The following ZNF608 variants were observed in gnomAD, a reference collection of about 807,000 sequenced individuals.
ZNF608 encodes renal carcinoma antigen NY-REN-36.
A neutral mutation model predicts 109.0 loss-of-function variants in ZNF608; 12 were observed. The ratio of observed to expected loss-of-function variants is 0.11; its 90% CI spans 0.07 to 0.18. The LOEUF is 0.18. Ranked by LOEUF, ZNF608 falls within the 10% of genes least tolerant of loss-of-function variation. ZNF608 has a pLI of 1.00. For synonymous variants in ZNF608, 732 were observed against 717.4 expected, an observed-to-expected ratio of 1.02 and a Z score of -0.33; for missense variants, 1,707 against 1,879.3, an observed-to-expected ratio of 0.91 and a Z score of 1.70.
intron 2 of ZNF608, 32 bp from the exon 3 acceptor site, chr5:124,701,301 C>A: frequency 6.2e-7 from 1 of 1,608,542 alleles, no homozygotes; most frequent in Non-Finnish European, 8.5e-7. Context: ...TGCAGTAGTG[C>A]TGCATTCCGT....
At chr5:124,641,177 G>A in intron 8 of ZNF608, 75 bp downstream of exon 8, 2 of 1,585,080 alleles carry the variant, frequency 1.3e-6, no homozygotes, top group East Asian at 2.2e-5. Context: ...ATATTTTTAA[G>A]ATGTGAAATG....
chr5:124,688,655 C>T (rs4640786), intron 3 of ZNF608, among the ~76,000 whole-genome samples: 81,957 of 151,768 alleles, frequency 0.54, 22,397 homozygotes, highest in East Asian at 0.67. Context: ...ATACAAATTC[C>T]AAATTCATAA....
chr5:124,678,156 T>C (rs1037622975), intron 3 of ZNF608, among the ~76,000 whole-genome samples: 16 of 152,250 alleles, frequency 1.1e-4, no homozygotes, highest in African/African-American at 3.6e-4. Context: ...TCTTAGCTTA[T>C]TGTGTGCCTT....
chr5:124,680,989 A>T (rs1312106454), intron 3 of ZNF608, among the ~76,000 whole-genome samples: 1 of 152,242 alleles, frequency 6.6e-6, no homozygotes, highest in Non-Finnish European at 1.5e-5. Context: ...GAGAAAGATC[A>T]GAAAAGAAGA....
chr5:124,742,222 C>G (rs1041345035), intron 2 of ZNF608, among the ~76,000 whole-genome samples: 1 of 152,198 alleles, frequency 6.6e-6, no homozygotes, highest in African/African-American at 2.4e-5. Context: ...AACGACACCA[C>G]GCTCTAATCT....
At chr5:124,660,766 A>C (rs1751224226) in intron 3 of ZNF608, among the ~76,000 whole-genome samples, 1 of 152,194 alleles carries the variant, frequency 6.6e-6, no homozygotes, top group African/African-American at 2.4e-5. Flanking sequence ...TAAAGAAGCC[A>C]CTCAGCATAT....
At chr5:124,702,264 C>G (rs1002530406) in intron 2 of ZNF608, among the ~76,000 whole-genome samples, 3 of 152,158 alleles carry the variant, frequency 2.0e-5, no homozygotes, top group African/African-American at 7.2e-5. Context: ...CACACAAAGC[C>G]CATTTGTACC....
intron 2 of ZNF608, among the ~76,000 whole-genome samples, chr5:124,728,704 T>C (rs1748744561): frequency 6.6e-6 from 1 of 152,192 alleles, no homozygotes; most frequent in Non-Finnish European, 1.5e-5. Flanking sequence ...TTCTCTATAG[T>C]TCCTGAATAT....
chr5:124,714,805 A>G (rs1240943574), intron 2 of ZNF608, among the ~76,000 whole-genome samples: 2 of 152,252 alleles, frequency 1.3e-5, no homozygotes, highest in East Asian at 1.9e-4. Flanking sequence ...CATTAAAAAC[A>G]TACTGCTGTA....
At chr5:124,670,975 T>C (rs1002595367) in intron 3 of ZNF608, among the ~76,000 whole-genome samples, 2 of 152,210 alleles carry the variant, frequency 1.3e-5, no homozygotes, top group Non-Finnish European at 2.9e-5. Context: ...TGCTGAGACT[T>C]GATATGTAGA....
intron 3 of ZNF608, among the ~76,000 whole-genome samples, chr5:124,698,635 G>C (rs1752937142): frequency 6.6e-6 from 1 of 152,192 alleles, no homozygotes; most frequent in Non-Finnish European, 1.5e-5. Flanking sequence ...GTTTTTCAGA[G>C]GACAGAGTGG....
In ZNF608 at chr5:124,745,058, A is replaced by C. The variant is rs1028879868; in HGVS notation, c.-69T>G. The C allele has an allele frequency of 1.3e-6, 2 of 1,521,826 alleles. No homozygotes were observed. Among genetic ancestry groups the C allele is most frequent in the African/African-American group, 2.8e-5 (2 of 71,732 alleles). 94.3% of individuals were successfully genotyped at this position (1,521,826 alleles called of 1,614,324 possible). ...TTTGGAGATGAGGGGACATTCGTTT[A>C]TCTCCGCTGGGCTTTCTCTCAAAGA... On this transcript the variant is annotated 5_prime_UTR_variant, in exon 2 of 10. Coordinates refer to ENST00000513986, the MANE Select transcript of ZNF608 (RefSeq NM_020747.3).
Position 124,745,060 on chromosome 5 carries a change from C to G in ZNF608, c.-71G>C. 4 of 1,513,184 alleles carry G rather than the reference C, an allele frequency of 2.6e-6. No individual in the cohort carries two copies. Among genetic ancestry groups the G allele is most frequent in the African/African-American group, 1.4e-5 (1 of 71,586 alleles). The allele number at this position is 1,513,184 out of a possible 1,614,324, so 93.7% of individuals were successfully genotyped here. A position where few individuals can be genotyped will look rare whatever the true frequency, so the allele number is the denominator to read the frequency against. ...TGGAGATGAGGGGACATTCGTTTAT[C>G]TCCGCTGGGCTTTCTCTCAAAGAAA... On this transcript the variant is annotated 5_prime_UTR_variant, in exon 2 of 10. Coordinates refer to ENST00000513986, the MANE Select transcript of ZNF608 (RefSeq NM_020747.3).
At chr5:124,678,934 C>G (rs777713568) in intron 3 of ZNF608, among the ~76,000 whole-genome samples, 37 of 152,212 alleles carry the variant, frequency 2.4e-4, no homozygotes, top group Non-Finnish European at 4.6e-4. Flanking sequence ...CCTGCCAGTT[C>G]AGTAAACACC....
At chr5:124,656,799 AACACACACACAC>A (rs35634231) in intron 3 of ZNF608, among the ~76,000 whole-genome samples, 1,517 of 123,934 alleles carry the variant, frequency 0.012, 10 homozygotes, top group East Asian at 0.021. Context: ...ATAAGCCCTA[AACACACACACAC>A]ACACACACAC....
intron 2 of ZNF608, among the ~76,000 whole-genome samples, chr5:124,727,645 AT>A (rs1561587342): frequency 1.5e-5 from 2 of 132,426 alleles, no homozygotes; most frequent in African/African-American, 5.9e-5. Flanking sequence ...AAAAAAAAAA[AT>A]CAGACCAAAA....
At chr5:124,700,322 A>G (rs554619909) in intron 3 of ZNF608, among the ~76,000 whole-genome samples, 3 of 152,344 alleles carry the variant, frequency 2.0e-5, no homozygotes, top group Admixed American at 2.0e-4. Flanking sequence ...TGGATCCACT[A>G]TCAGCATGGC....
rs573980537 is a variant in ZNF608 at position 124,651,686 on chromosome 5, T to C, written c.1163-1989A>G. Among the ~76,000 whole-genome samples, 4 of 152,392 alleles carry C rather than the reference T, an allele frequency of 2.6e-5. No individual in the cohort carries two copies. The East Asian group carries it at 7.7e-4, about 29-fold the overall frequency. On this transcript the variant is annotated intron_variant, in intron 3 of 9. Coordinates refer to ENST00000513986, the MANE Select transcript of ZNF608 (RefSeq NM_020747.3). ...GTCTGCAGTGAAAGGCTTTTGTTAT[T>C]GCTTTTCCCCTAAGGGTTTCGCGTT... is the stretch of plus-strand genomic sequence containing the variant.
chr5:124,654,828 C>T (rs755248092), intron 3 of ZNF608, among the ~76,000 whole-genome samples: 17 of 152,204 alleles, frequency 1.1e-4, no homozygotes, highest in Non-Finnish European at 2.4e-4. Flanking sequence ...ATAAAGGTGG[C>T]AGAGTCTCCT....
Sources: gnomAD v4.1 joint callset for allele counts (sites outside exome capture counted in the v4.1 genomes callset) on GRCh38, gnomAD v4.1.1 for gene constraint, MANE v1.5 for transcripts, NCBI Gene and HGNC (gene_info 2026-07-23, HGNC 2026-07-21) for gene names.